PDE10A: variants seen among roughly 807,000 people sequenced by gnomAD.
PDE10A encodes the protein phosphodiesterase 10A, also known as cAMP and cAMP-inhibited cGMP 3',5'-cyclic phosphodiesterase 10A.
Under a neutral mutation model 97.7 loss-of-function variants are expected in PDE10A, and 39 were observed. That is an observed-to-expected ratio of 0.40 (90% CI 0.31 to 0.52). The LOEUF (loss-of-function observed/expected upper bound fraction) is 0.52, where lower values mean the gene tolerates loss of function less well. Ranked by LOEUF, PDE10A falls within the 20% of genes least tolerant of loss-of-function variation. The pLI, the probability that PDE10A is intolerant of heterozygous loss-of-function variation, is 0.56. For missense variants in PDE10A, 731 were observed against 1,047.8 expected (o/e 0.70, Z 4.17); for synonymous variants, 371 against 376.8 (o/e 0.98, Z 0.18).
intron 1 of PDE10A, among the ~76,000 whole-genome samples, chr6:165,568,378 C>T (rs1389553060): frequency 2.0e-5 from 3 of 152,152 alleles, no homozygotes; most frequent in African/African-American, 2.4e-5. Flanking sequence ...CAGTTAATCA[C>T]ACAGTCAACC....
intron 1 of PDE10A, among the ~76,000 whole-genome samples, chr6:165,944,462 A>G (rs1243671474): frequency 6.6e-6 from 1 of 152,226 alleles, no homozygotes; most frequent in Non-Finnish European, 1.5e-5. Context: ...TTCTACAAGC[A>G]AACTTCAGGT....
At chr6:165,717,563 T>C (rs990626180) in intron 1 of PDE10A, among the ~76,000 whole-genome samples, 2 of 146,720 alleles carry the variant, frequency 1.4e-5, no homozygotes, top group African/African-American at 2.5e-5. Context: ...CAGCCTGGGC[T>C]ACAGAGAGAG....
At chr6:165,605,691 A>G (rs1787173980) in intron 1 of PDE10A, among the ~76,000 whole-genome samples, 1 of 152,076 alleles carries the variant, frequency 6.6e-6, no homozygotes, top group African/African-American at 2.4e-5. Flanking sequence ...CAGGCTGTTG[A>G]GTGCCTGTGG....
intron 1 of PDE10A, among the ~76,000 whole-genome samples, chr6:165,782,423 A>G (rs1778364578): frequency 6.6e-6 from 1 of 152,216 alleles, no homozygotes; most frequent in South Asian, 2.1e-4. Flanking sequence ...AGCAGGGCCA[A>G]GGCGTGGGAA....
intron 1 of PDE10A, among the ~76,000 whole-genome samples, chr6:165,646,094 G>A (rs576576273): frequency 3.3e-5 from 5 of 152,302 alleles, no homozygotes; most frequent in South Asian, 2.1e-4. Context: ...GCACAGACCA[G>A]GGAACAGTTC....
intron 1 of PDE10A, among the ~76,000 whole-genome samples, chr6:165,975,284 C>G (rs1263028850): frequency 6.6e-6 from 1 of 152,174 alleles, no homozygotes; most frequent in African/African-American, 2.4e-5. Context: ...TTTTGATTCA[C>G]CCTAACTCAA....
intron 2 of PDE10A, among the ~76,000 whole-genome samples, chr6:165,521,762 C>T (rs1343462666): frequency 6.6e-6 from 1 of 152,146 alleles, no homozygotes; most frequent in Non-Finnish European, 1.5e-5. Flanking sequence ...AGGAAAGACG[C>T]CATCTCCACA....
In PDE10A at chr6:165,336,182, G is replaced by A; in HGVS notation, c.3006C>T (p.Pro1002=). 2 of 1,614,084 alleles carry A rather than the reference G, an allele frequency of 1.2e-6. No individual in the cohort carries two copies. The highest frequency in any genetic ancestry group is 1.7e-6 in the Non-Finnish European group (2 of 1,179,972). The change falls in exon 21 of 22, where the codon CCC becomes CCT. Residue 1002 remains proline, a synonymous_variant. Coordinates refer to ENST00000539869, the MANE Select transcript of PDE10A (RefSeq NM_001385079.1). ...GGATCTGGGTAAGGGTTGTATAGCA[G>A]GGAATGGCCACGGCATTGTAGAACC... ...QLGFYNAVAI[P]CYTTLTQILP...
At chr6:165,444,984 A>G (rs1384431116) in intron 5 of PDE10A, among the ~76,000 whole-genome samples, 2 of 142,492 alleles carry the variant, frequency 1.4e-5, no homozygotes, top group African/African-American at 2.5e-5. Flanking sequence ...TCACTATAGT[A>G]TATAATTTTT....
chr6:165,719,882 A>G (rs1008279507), intron 1 of PDE10A, among the ~76,000 whole-genome samples: 8 of 152,226 alleles, frequency 5.3e-5, no homozygotes, highest in Non-Finnish European at 8.8e-5. Context: ...CAAGTACCCT[A>G]TTTGGCTCAG....
At chr6:165,718,523 T>C (rs1253147300) in intron 1 of PDE10A, among the ~76,000 whole-genome samples, 1 of 152,144 alleles carries the variant, frequency 6.6e-6, no homozygotes, top group Non-Finnish European at 1.5e-5. Flanking sequence ...TAGAACAGGA[T>C]GCAATGAGAA....
intron 1 of PDE10A, among the ~76,000 whole-genome samples, chr6:165,787,830 A>G (rs1437650071): frequency 3.3e-5 from 5 of 152,200 alleles, no homozygotes; most frequent in Admixed American, 2.0e-4. Flanking sequence ...AACATTAGAG[A>G]TCAGGACTAA....
chr6:165,472,503 G>A (rs1779073106), intron 3 of PDE10A, among the ~76,000 whole-genome samples: 2 of 151,870 alleles, frequency 1.3e-5, no homozygotes, highest in East Asian at 3.9e-4. Flanking sequence ...TTCATCCCCT[G>A]TGCTTTTTAA....
At chr6:165,701,054 T>G (rs80310978) in intron 1 of PDE10A, among the ~76,000 whole-genome samples, 3,649 of 152,356 alleles carry the variant, frequency 0.024, 83 homozygotes, top group Non-Finnish European at 0.034. Flanking sequence ...AACTTTCTTG[T>G]GCCTAGTAGG....
At chr6:165,544,921 T>A (rs1014663309) in intron 1 of PDE10A, among the ~76,000 whole-genome samples, 3 of 151,560 alleles carry the variant, frequency 2.0e-5, no homozygotes, top group African/African-American at 7.3e-5. Context: ...AGAGCCCCAG[T>A]GGTGTAAAAT....
intron 1 of PDE10A, among the ~76,000 whole-genome samples, chr6:165,726,529 G>A (rs1042611611): frequency 5.3e-5 from 8 of 150,110 alleles, no homozygotes; most frequent in Non-Finnish European, 1.2e-4. Context: ...GCCGAGCACC[G>A]GGGGAGAGGA....
intron 2 of PDE10A, among the ~76,000 whole-genome samples, chr6:165,495,543 C>A (rs530406748): frequency 6.6e-6 from 1 of 151,842 alleles, no homozygotes; most frequent in African/African-American, 2.4e-5. Flanking sequence ...TAAAAACACT[C>A]GAGTATTTTT....
upstream of PDE10A, among the ~76,000 whole-genome samples, chr6:165,664,971 G>T (rs1374572615): frequency 6.6e-6 from 1 of 152,176 alleles, no homozygotes; most frequent in Non-Finnish European, 1.5e-5. Context: ...CCAAATATTT[G>T]TCCTGGGAGC....
intron 18 of PDE10A, among the ~76,000 whole-genome samples, chr6:165,364,453 C>T (rs1233053830): frequency 6.6e-6 from 1 of 152,144 alleles, no homozygotes; most frequent in African/African-American, 2.4e-5. Flanking sequence ...TGAGAAGTAA[C>T]CTTTTATAAG....
Sources: allele counts gnomAD v4.1 joint callset (sites outside exome capture counted in the v4.1 genomes callset), GRCh38; gene constraint gnomAD v4.1.1; transcripts MANE v1.5; gene names NCBI Gene and HGNC (gene_info 2026-07-23, HGNC 2026-07-21).